AUTS2: variants seen among roughly 807,000 people sequenced by gnomAD.
AUTS2 encodes the protein activator of transcription and developmental regulator AUTS2, also known as autism susceptibility gene 2 protein.
AUTS2 carries 17 observed loss-of-function variants against 112.4 expected under a neutral mutation model. That is an observed-to-expected ratio of 0.15 (90% CI 0.10 to 0.23). The LOEUF (loss-of-function observed/expected upper bound fraction) is 0.23, where lower values mean the gene tolerates loss of function less well. Among genes scored for constraint, AUTS2 ranks in the 10% least tolerant of loss-of-function variants. The pLI is 1.00. For missense variants in AUTS2, 1,510 were observed against 1,701.6 expected (o/e 0.89, Z 1.98); for synonymous variants, 751 against 702.7 (o/e 1.07, Z -1.09).
At chr7:69,647,712 A>G (rs1795093822) in intron 1 of AUTS2, among the ~76,000 whole-genome samples, 1 of 152,188 alleles carries the variant, frequency 6.6e-6, no homozygotes, top group Non-Finnish European at 1.5e-5. Flanking sequence ...TGCCATAACA[A>G]AGTATCACAA....
chr7:69,634,178 G>A (rs1794410191), intron 1 of AUTS2, among the ~76,000 whole-genome samples: 1 of 150,676 alleles, frequency 6.6e-6, no homozygotes, highest in African/African-American at 2.4e-5. Context: ...GGAGTGCAGT[G>A]GCGCAATCTC....
chr7:70,185,010 G>C (rs373578605), intron 4 of AUTS2, among the ~76,000 whole-genome samples: 1 of 152,006 alleles, frequency 6.6e-6, no homozygotes, highest in Non-Finnish European at 1.5e-5. Flanking sequence ...TTGATACTTT[G>C]CAATATAGTT....
At chr7:70,620,511 T>C (rs1485406606) in intron 5 of AUTS2, among the ~76,000 whole-genome samples, 1 of 152,072 alleles carries the variant, frequency 6.6e-6, no homozygotes, top group African/African-American at 2.4e-5. Flanking sequence ...GGTCGGGCCC[T>C]TTGCTCTCCT....
chr7:69,738,936 A>G (rs1787151039), intron 1 of AUTS2, among the ~76,000 whole-genome samples: 1 of 152,128 alleles, frequency 6.6e-6, no homozygotes, highest in Non-Finnish European at 1.5e-5. Context: ...CTAATCAGAT[A>G]TCCTGCAGTT....
At chr7:70,758,650 T>G (rs1789373161) in intron 6 of AUTS2, among the ~76,000 whole-genome samples, 1 of 152,146 alleles carries the variant, frequency 6.6e-6, no homozygotes, top group African/African-American at 2.4e-5. Flanking sequence ...GAATACAACA[T>G]TTAAATAAGA....
At chr7:70,372,796 G>T (rs887868531) in intron 4 of AUTS2, among the ~76,000 whole-genome samples, 1 of 151,988 alleles carries the variant, frequency 6.6e-6, no homozygotes, top group African/African-American at 2.4e-5. Flanking sequence ...GTTTGGGCTG[G>T]TTGCAAGGCC....
At chr7:70,076,741 C>A (rs1803054537) in intron 2 of AUTS2, among the ~76,000 whole-genome samples, 1 of 152,198 alleles carries the variant, frequency 6.6e-6, no homozygotes, top group South Asian at 2.1e-4. Context: ...CAGCTGAAAT[C>A]TTTCAGGCTT....
intron 5 of AUTS2, among the ~76,000 whole-genome samples, chr7:70,696,364 T>A (rs1329668406): frequency 6.6e-6 from 1 of 152,142 alleles, no homozygotes; most frequent in Non-Finnish European, 1.5e-5. Flanking sequence ...TGGGTGTTTT[T>A]CTGGGGAGGC....
intron 4 of AUTS2, among the ~76,000 whole-genome samples, chr7:70,346,957 T>C (rs1791524523): frequency 6.6e-6 from 1 of 152,130 alleles, no homozygotes; most frequent in Non-Finnish European, 1.5e-5. Context: ...CATGAAGCAG[T>C]CTCCTTTCTG....
At chr7:70,281,386 C>T (rs955858135) in intron 4 of AUTS2, among the ~76,000 whole-genome samples, 5 of 152,190 alleles carry the variant, frequency 3.3e-5, no homozygotes, top group African/African-American at 1.2e-4. Flanking sequence ...GGGGATCCCA[C>T]CCATTCCACA....
chr7:69,684,206 A>T (rs1192782420), intron 1 of AUTS2, among the ~76,000 whole-genome samples: 1 of 152,114 alleles, frequency 6.6e-6, no homozygotes, highest in Non-Finnish European at 1.5e-5. Flanking sequence ...GAGCAACTGG[A>T]GAAAGGAGAG....
At chr7:69,707,369 T>C (rs1304557728) in intron 1 of AUTS2, among the ~76,000 whole-genome samples, 1 of 152,216 alleles carries the variant, frequency 6.6e-6, no homozygotes, top group Non-Finnish European at 1.5e-5. Flanking sequence ...ACACTAGTTA[T>C]ATAGCAAGTA....
intron 4 of AUTS2, among the ~76,000 whole-genome samples, chr7:70,227,503 G>A (rs1390264037): frequency 6.6e-6 from 1 of 152,058 alleles, no homozygotes; most frequent in Non-Finnish European, 1.5e-5. Flanking sequence ...AGGTTCATGA[G>A]CAGTCTCTCT....
chr7:70,495,440 G>A lies in AUTS2; in HGVS notation c.690+59659G>A, dbSNP rs921113755. 2.0e-5 allele frequency among the ~76,000 whole-genome samples: 3 copies of A among 151,954 alleles called. No homozygotes were observed. The South Asian group carries it at 6.2e-4, about 31-fold the overall frequency. On this transcript the variant is annotated intron_variant, in intron 5 of 18. Transcript: ENST00000342771. The stretch of plus-strand genomic sequence containing the variant: ...CGTTGTCTAGAATCTTCTTGCCCCA[G>A]TAAACAGTTGCTTACAGTCTCCTAG...
chr7:70,260,007 C>A (rs1320350657), intron 4 of AUTS2, among the ~76,000 whole-genome samples: 1 of 152,118 alleles, frequency 6.6e-6, no homozygotes, highest in Non-Finnish European at 1.5e-5. Flanking sequence ...AAAATATTTT[C>A]TAATAAAGCT....
intron 1 of AUTS2, among the ~76,000 whole-genome samples, chr7:69,709,907 C>T (rs1297370828): frequency 1.3e-5 from 2 of 152,088 alleles, no homozygotes; most frequent in African/African-American, 4.8e-5. Context: ...TGTCACCCCC[C>T]CTTTTTAGTT....
chr7:70,584,280 A>G (rs1006299407), intron 5 of AUTS2, among the ~76,000 whole-genome samples: 2 of 152,208 alleles, frequency 1.3e-5, no homozygotes, highest in Non-Finnish European at 2.9e-5. Flanking sequence ...AAATCTGGGG[A>G]AAAATTTCTT....
In AUTS2 at chr7:70,554,729, G is replaced by A. The variant is rs572050020; in HGVS notation, c.690+118948G>A. ...TCTGCTGCCCTGTGCAGCCAGGCCA[G>A]GGGGGCAGTCAGGGGCTATACAGGC... On this transcript the variant is annotated intron_variant, in intron 5 of 18. Transcript: ENST00000342771. Among the ~76,000 whole-genome samples, 9 of 152,316 alleles carry A rather than the reference G, an allele frequency of 5.9e-5. No individual in the cohort carries two copies. The East Asian group carries it at 1.7e-3, about 29-fold the overall frequency.
intron 1 of AUTS2, among the ~76,000 whole-genome samples, chr7:69,772,634 G>A (rs1331836579): frequency 2.6e-5 from 4 of 151,968 alleles, no homozygotes; most frequent in Admixed American, 6.6e-5. Flanking sequence ...GGGCTTCCCT[G>A]TGTTGCCCAG....
Sources: gnomAD v4.1 joint callset for allele counts (sites outside exome capture counted in the v4.1 genomes callset) on GRCh38, gnomAD v4.1.1 for gene constraint, MANE v1.5 for transcripts, NCBI Gene and HGNC (gene_info 2026-07-23, HGNC 2026-07-21) for gene names.